CST8: variants seen among roughly 807,000 people sequenced by gnomAD.
CST8 encodes the protein cystatin-8.
Under a neutral mutation model 11.8 loss-of-function variants are expected in CST8, and 20 were observed. That is an observed-to-expected ratio of 1.70 (90% CI 1.20 to 2.47). The LOEUF is 2.47. Among genes scored for constraint, CST8 ranks in the 30% most tolerant of loss-of-function variants. The pLI, the probability that CST8 is intolerant of heterozygous loss-of-function variation, is 0.00. For synonymous variants in CST8, 77 were observed against 63.1 expected, an observed-to-expected ratio of 1.22 and a Z score of -1.05; for missense variants, 196 against 167.2, an observed-to-expected ratio of 1.17 and a Z score of -0.95.
Position 23,491,256 on chromosome 20 carries a change from G to A in CST8, c.-230G>A, listed in dbSNP as rs564320680. 1.7e-5 allele frequency: 3 copies of A among 181,710 alleles called. No individual in the cohort carries two copies. In the East Asian group the frequency reaches 4.4e-4, roughly 27 times the overall value. The allele number at this position is 181,710 out of a possible 1,614,324, so 11.3% of individuals were successfully genotyped here. A position where few individuals can be genotyped will look rare whatever the true frequency, so the allele number is the denominator to read the frequency against. Reference sequence around the variant, plus strand: ...AGGCTGAAAGTCCACCAAGGGCTGAGGCCACAAGGCCTCTGGGGCAGCCAC... The same window carrying A: ...AGGCTGAAAGTCCACCAAGGGCTGAAGCCACAAGGCCTCTGGGGCAGCCAC... On this transcript the variant is annotated 5_prime_UTR_variant, in exon 1 of 4. Coordinates refer to ENST00000246012, the MANE Select transcript of CST8 (RefSeq NM_005492.4).
chr20:23,495,764 G>GT (rs1988024158), intron 3 of CST8, 67 bp from the exon 4 acceptor site: 10 of 1,183,912 alleles, frequency 8.4e-6, no homozygotes, highest in Non-Finnish European at 1.1e-5. Context: ...CAGGACAATT[G>GT]TTTTTCTTTT....
downstream of CST8, among the ~76,000 whole-genome samples, chr20:23,496,380 C>G (rs955927014): frequency 1.4e-4 from 22 of 152,016 alleles, no homozygotes; most frequent in African/African-American, 5.1e-4. Flanking sequence ...CATGATGCCC[C>G]CTGAGCCTTA....
chr20:23,498,679 G>A (rs1348018360), downstream of CST8, among the ~76,000 whole-genome samples: 2 of 152,152 alleles, frequency 1.3e-5, no homozygotes, highest in African/African-American at 4.8e-5. Context: ...TGCCCACCCT[G>A]CTTCCTCTGC....
At chr20:23,504,970 A>G in the CST8 span, among the ~76,000 whole-genome samples, 5 of 152,218 alleles carry the variant, frequency 3.3e-5, no homozygotes, top group South Asian at 1.0e-3. Context: ...CTCAGACCAC[A>G]CATGGCTACT....
the CST8 span, among the ~76,000 whole-genome samples, chr20:23,503,973 G>A: frequency 6.6e-5 from 10 of 152,250 alleles, no homozygotes; most frequent in Non-Finnish European, 1.3e-4. Flanking sequence ...ACAGACTGGA[G>A]TAGGTTCCAG....
chr20:23,491,560 G>C lies in CST8; in HGVS notation c.-108G>C. ...GCTAACAGGAGGCAGTGTGTGGCTCGAAGATTCTTGAACCCACAGCAGCAG... is the reference window on the plus strand; with the variant it reads ...GCTAACAGGAGGCAGTGTGTGGCTCCAAGATTCTTGAACCCACAGCAGCAG... On this transcript the variant is annotated 5_prime_UTR_variant, in exon 2 of 4. Coordinates refer to ENST00000246012, the MANE Select transcript of CST8 (RefSeq NM_005492.4). 1 of 822,698 alleles carries C rather than the reference G, an allele frequency of 1.2e-6. No homozygotes were observed. The allele number at this position is 822,698 out of a possible 1,614,324, so 51.0% of individuals were successfully genotyped here.
chr20:23,494,376 A>G (rs970334495), intron 3 of CST8, among the ~76,000 whole-genome samples: 18 of 152,230 alleles, frequency 1.2e-4, no homozygotes, highest in Admixed American at 1.0e-3. Context: ...TTTAAGACAT[A>G]CATGTTCAAG....
At chr20:23,502,674 G>C in the CST8 span, among the ~76,000 whole-genome samples, 5,697 of 152,290 alleles carry the variant, frequency 0.037, 114 homozygotes, top group Middle Eastern at 0.13. Flanking sequence ...GAGCAAGTGT[G>C]ATGTGATTTT....
At chr20:23,498,644 CTCTG>C (rs1177787839), downstream of CST8, among the ~76,000 whole-genome samples, 1 of 152,220 alleles carries the variant, frequency 6.6e-6, no homozygotes, top group African/African-American at 2.4e-5. Context: ...TGCCTGTGGT[CTCTG>C]TCTGTGTGCC....
chr20:23,502,165 G>C, the CST8 span, among the ~76,000 whole-genome samples: 3 of 152,162 alleles, frequency 2.0e-5, no homozygotes, highest in African/African-American at 7.2e-5. Flanking sequence ...TAGCTCCACT[G>C]GTGTAGCCAC....
chr20:23,498,313 T>C (rs1988104431), downstream of CST8, among the ~76,000 whole-genome samples: 1 of 152,216 alleles, frequency 6.6e-6, no homozygotes, highest in East Asian at 1.9e-4. Flanking sequence ...ATTTTAAAAA[T>C]AGATGTATCT....
At position 23,495,944 on chromosome 20, in the gene CST8, G is replaced by A. The variant is rs1339229767; in HGVS notation, c.*30G>A. ...GTTTTGAGGCATCCCTCCAACCTCT[G>A]TGACTACTTTATCCATGAAAATGAA... On this transcript the variant is annotated 3_prime_UTR_variant, in exon 4 of 4. Coordinates refer to ENST00000246012, the MANE Select transcript of CST8 (RefSeq NM_005492.4). The A allele has an allele frequency of 4.6e-6, 7 of 1,525,044 alleles. No homozygotes were observed. The highest frequency in any genetic ancestry group is 6.3e-6 in the Non-Finnish European group (7 of 1,112,500). 94.5% of individuals were successfully genotyped at this position (1,525,044 alleles called of 1,614,324 possible). A position where few individuals can be genotyped will look rare whatever the true frequency, so the allele number is the denominator to read the frequency against.
the CST8 span, among the ~76,000 whole-genome samples, chr20:23,502,175 C>A: frequency 1.3e-5 from 2 of 152,192 alleles, no homozygotes; most frequent in African/African-American, 4.8e-5. Context: ...GGTGTAGCCA[C>A]AGAAGCCACC....
intron 3 of CST8, 123 bp from the exon 4 acceptor site, chr20:23,495,708 A>G: frequency 1.4e-6 from 1 of 706,048 alleles, no homozygotes; most frequent in Non-Finnish European, 2.4e-6. Context: ...CTCGCTCGAG[A>G]GTGGTGACCC....
downstream of CST8, among the ~76,000 whole-genome samples, chr20:23,496,929 C>T (rs187033087): frequency 1.9e-3 from 286 of 152,320 alleles, no homozygotes; most frequent in African/African-American, 6.2e-3. Flanking sequence ...CTGAACATTG[C>T]TGTTATCCTG....
At chr20:23,503,072 G>C in the CST8 span, among the ~76,000 whole-genome samples, 1 of 152,120 alleles carries the variant, frequency 6.6e-6, no homozygotes, top group Non-Finnish European at 1.5e-5. Flanking sequence ...GTGTTAGGCA[G>C]ATACTGATTG....
the CST8 span, among the ~76,000 whole-genome samples, chr20:23,506,327 C>T: frequency 5.9e-5 from 9 of 152,266 alleles, no homozygotes; most frequent in Admixed American, 1.3e-4. Flanking sequence ...TCCTAGACTC[C>T]TCCTTCAGGT....
downstream of CST8, among the ~76,000 whole-genome samples, chr20:23,497,026 G>A (rs3004107): frequency 0.41 from 62,212 of 151,924 alleles, 13,635 homozygotes; most frequent in Non-Finnish European, 0.49. Flanking sequence ...TCATCACAGG[G>A]TCCTGAGGCA....
At chr20:23,506,526 T>C in the CST8 span, among the ~76,000 whole-genome samples, 1 of 152,180 alleles carries the variant, frequency 6.6e-6, no homozygotes, top group South Asian at 2.1e-4. Flanking sequence ...TCAAGACACC[T>C]CCTCCTTTTG....
Sources: gnomAD v4.1 joint callset for allele counts (sites outside exome capture counted in the v4.1 genomes callset) on GRCh38, gnomAD v4.1.1 for gene constraint, MANE v1.5 for transcripts, NCBI Gene and HGNC (gene_info 2026-07-23, HGNC 2026-07-21) for gene names.